The following NDST4 variants were observed in gnomAD, a reference collection of about 807,000 sequenced individuals.
The protein encoded by NDST4 is N-deacetylase and N-sulfotransferase 4, also known as N-heparan sulfate sulfotransferase 4.
In NDST4, 63 loss-of-function variants were observed where a neutral mutation model predicts 100.8. The observed-to-expected ratio is 0.62, with a 90% confidence interval of 0.51 to 0.77. The LOEUF (loss-of-function observed/expected upper bound fraction) is 0.77, where lower values mean the gene tolerates loss of function less well. Among genes scored for constraint, NDST4 ranks in the 30% least tolerant of loss-of-function variants. The pLI, the probability that NDST4 is intolerant of heterozygous loss-of-function variation, is 0.00. For synonymous variants in NDST4, 377 were observed against 361.8 expected, an observed-to-expected ratio of 1.04 and a Z score of -0.48; for missense variants, 943 against 1,018.4, an observed-to-expected ratio of 0.93 and a Z score of 1.01.
chr4:114,994,668 C>G (rs899099128), intron 2 of NDST4, among the ~76,000 whole-genome samples: 1 of 151,922 alleles, frequency 6.6e-6, no homozygotes, highest in African/African-American at 2.4e-5. Context: ...GTTACCGAAC[C>G]ATTGTATACA....
chr4:115,001,057 C>G (rs893944005), intron 2 of NDST4, among the ~76,000 whole-genome samples: 5 of 152,102 alleles, frequency 3.3e-5, no homozygotes, highest in Admixed American at 3.3e-4. Context: ...CCTCAAAGAC[C>G]TCAACTTCTA....
intron 2 of NDST4, among the ~76,000 whole-genome samples, chr4:115,071,551 T>C (rs1460976422): frequency 6.6e-6 from 1 of 152,122 alleles, no homozygotes; most frequent in Non-Finnish European, 1.5e-5. Flanking sequence ...TTCAAATAGG[T>C]ATTTCATATG....
At chr4:114,839,209 C>A (rs1389463098) in intron 11 of NDST4, among the ~76,000 whole-genome samples, 169 bp downstream of exon 11, 3 of 152,148 alleles carry the variant, frequency 2.0e-5, no homozygotes, top group African/African-American at 7.2e-5. Flanking sequence ...TTATCATTGT[C>A]TCTGATTATA....
intron 6 of NDST4, among the ~76,000 whole-genome samples, chr4:114,926,012 T>G (rs1578392666): frequency 6.6e-6 from 1 of 152,294 alleles, no homozygotes; most frequent in Non-Finnish European, 1.5e-5. Context: ...GTGTCTCAAC[T>G]TGAATGATGG....
At chr4:115,050,116 C>G (rs72898605) in intron 2 of NDST4, among the ~76,000 whole-genome samples, 2,421 of 152,172 alleles carry the variant, frequency 0.016, 63 homozygotes, top group African/African-American at 0.055. Flanking sequence ...AATCCCCATA[C>G]AGTTTAAATT....
At chr4:114,925,896 C>T (rs1023868586) in intron 6 of NDST4, among the ~76,000 whole-genome samples, 3 of 152,060 alleles carry the variant, frequency 2.0e-5, no homozygotes, top group Admixed American at 1.3e-4. Context: ...AAAATTAAAT[C>T]CTGTAGGACA....
intron 6 of NDST4, among the ~76,000 whole-genome samples, chr4:114,883,822 G>A (rs145698840): frequency 8.8e-4 from 134 of 152,144 alleles, no homozygotes; most frequent in African/African-American, 3.1e-3. Flanking sequence ...TTAGATTCTC[G>A]TAAGGAGCCT....
intron 2 of NDST4, among the ~76,000 whole-genome samples, chr4:115,048,743 T>G (rs1216452573): frequency 1.3e-5 from 2 of 152,100 alleles, no homozygotes; most frequent in African/African-American, 4.8e-5. Flanking sequence ...GTTCAAGCGA[T>G]TCTCCTGTCT....
At chr4:115,113,083 T>C (rs1342828301) in intron 1 of NDST4, among the ~76,000 whole-genome samples, 1 of 151,962 alleles carries the variant, frequency 6.6e-6, no homozygotes, top group African/African-American at 2.4e-5. Flanking sequence ...CAGTTAACTT[T>C]GGATGTTGAG....
intron 4 of NDST4, among the ~76,000 whole-genome samples, chr4:114,943,316 C>T (rs1024151141): frequency 1.3e-5 from 2 of 151,326 alleles, no homozygotes; most frequent in African/African-American, 4.8e-5. Flanking sequence ...GCACTTTTAC[C>T]ATCAGAATGT....
intron 3 of NDST4, among the ~76,000 whole-genome samples, chr4:114,973,941 A>G (rs1490586260): frequency 1.3e-5 from 2 of 151,896 alleles, no homozygotes; most frequent in Non-Finnish European, 2.9e-5. Flanking sequence ...AGAACTGTGG[A>G]ATGATAAACA....
chr4:114,914,188 G>C (rs1295282483), intron 6 of NDST4, among the ~76,000 whole-genome samples: 4 of 151,936 alleles, frequency 2.6e-5, no homozygotes, highest in Non-Finnish European at 4.4e-5. Context: ...AGCTGGGAAG[G>C]GTATCAGGGC....
At chr4:115,020,338 G>T (rs1296628363) in intron 2 of NDST4, among the ~76,000 whole-genome samples, 1 of 152,140 alleles carries the variant, frequency 6.6e-6, no homozygotes, top group Non-Finnish European at 1.5e-5. Flanking sequence ...GATAATTTGG[G>T]TTAATTGTAT....
intron 4 of NDST4, among the ~76,000 whole-genome samples, chr4:114,959,477 A>G (rs1318018527): frequency 6.6e-6 from 1 of 152,210 alleles, no homozygotes; most frequent in Non-Finnish European, 1.5e-5. Flanking sequence ...GAGCAAAGGC[A>G]CATCTTACAT....
intron 2 of NDST4, among the ~76,000 whole-genome samples, chr4:115,048,301 T>A (rs1278416406): frequency 1.3e-5 from 2 of 151,994 alleles, no homozygotes; most frequent in East Asian, 1.9e-4. Context: ...AAAAACAAGG[T>A]TTTTAGCATT....
Position 114,827,772 on chromosome 4 carries a change from T to A in NDST4, c.*44A>T, listed in dbSNP as rs1723109095. 2 of 1,583,502 alleles carry A rather than the reference T, an allele frequency of 1.3e-6. No individual in the cohort carries two copies. Among genetic ancestry groups the A allele is most frequent in the Non-Finnish European group, 1.7e-6 (2 of 1,169,220 alleles). On this transcript the variant is annotated 3_prime_UTR_variant, in exon 14 of 14. Coordinates refer to ENST00000264363, the MANE Select transcript of NDST4 (RefSeq NM_022569.3). Reference sequence around the variant, plus strand: ...AATAAAGGTGGATTTATTTTTTTTTTAACACTAAAAGTATCTTGAGAGGCT... The same window carrying A: ...AATAAAGGTGGATTTATTTTTTTTTAAACACTAAAAGTATCTTGAGAGGCT...
intron 1 of NDST4, among the ~76,000 whole-genome samples, chr4:115,109,538 C>T (rs932860986): frequency 2.0e-5 from 3 of 151,884 alleles, no homozygotes; most frequent in Non-Finnish European, 4.4e-5. Context: ...GTACAGAAGT[C>T]CCAATTCTAT....
At position 114,947,377 on chromosome 4, in the gene NDST4, G is replaced by A. The variant is rs527792340; in HGVS notation, c.1222-9874C>T. Among the ~76,000 whole-genome samples the A allele has an allele frequency of 5.9e-5, 9 of 152,308 alleles. No individual in the cohort carries two copies. In the East Asian group the frequency reaches 1.7e-3, roughly 29 times the overall value. On this transcript the variant is annotated intron_variant, in intron 4 of 13. Coordinates refer to ENST00000264363, the MANE Select transcript of NDST4 (RefSeq NM_022569.3). The stretch of plus-strand genomic sequence containing the variant: ...AAGGAGGAAAGCAAGCGCCCAAGAA[G>A]AGTGAGGGACAACAAAGATGTGGTA...
chr4:115,098,400 C>A (rs1397687112), intron 1 of NDST4, among the ~76,000 whole-genome samples: 2 of 152,042 alleles, frequency 1.3e-5, no homozygotes, highest in Non-Finnish European at 2.9e-5. Flanking sequence ...TGGATTAAAG[C>A]CAGCAGGTAG....
Sources: allele counts gnomAD v4.1 joint callset (sites outside exome capture counted in the v4.1 genomes callset), GRCh38; gene constraint gnomAD v4.1.1; transcripts MANE v1.5; gene names NCBI Gene and HGNC (gene_info 2026-07-23, HGNC 2026-07-21).